The following ANXA8 variants were observed in gnomAD, a reference collection of about 807,000 sequenced individuals.
ANXA8 encodes VAC-beta.
In ANXA8, 9 loss-of-function variants were observed where a neutral mutation model predicts 26.8. The observed-to-expected ratio is 0.34, with a 90% CI of 0.20 to 0.59. The LOEUF (loss-of-function observed/expected upper bound fraction) is 0.59. ANXA8 is among the 20% of genes least tolerant of loss of function. The pLI, the probability that ANXA8 is intolerant of heterozygous loss-of-function variation, is 0.84. For synonymous variants in ANXA8, 39 were observed against 94.8 expected, an observed-to-expected ratio of 0.41 and a Z score of 3.42; for missense variants, 83 against 238.5, an observed-to-expected ratio of 0.35 and a Z score of 4.29.
chr10:47,648,539 G>T, the ANXA8 span, among the ~76,000 whole-genome samples: 1 of 139,924 alleles, frequency 7.1e-6, no homozygotes, highest in Non-Finnish European at 1.5e-5. Context: ...ATCATCATGG[G>T]CAGTGGTCAT....
At chr10:47,726,639 G>GATAA in the ANXA8 span, among the ~76,000 whole-genome samples, 1 of 152,284 alleles carries the variant, frequency 6.6e-6, no homozygotes, top group African/African-American at 2.4e-5. Flanking sequence ...TAAATAAAAT[G>GATAA]TAGTAATTTA....
At chr10:47,735,460 TATTC>T in the ANXA8 span, among the ~76,000 whole-genome samples, 1 of 149,490 alleles carries the variant, frequency 6.7e-6, no homozygotes, top group South Asian at 2.1e-4. Flanking sequence ...ACCCTTCTGT[TATTC>T]TACCAACCAA....
At chr10:47,647,427 G>A in the ANXA8 span, among the ~76,000 whole-genome samples, 1 of 150,542 alleles carries the variant, frequency 6.6e-6, no homozygotes, top group Non-Finnish European at 1.5e-5. Context: ...AATGTTGTGA[G>A]GTAAGTGTTA....
chr10:47,748,869 G>GA, the ANXA8 span, among the ~76,000 whole-genome samples: 2 of 145,050 alleles, frequency 1.4e-5, no homozygotes, highest in South Asian at 4.5e-4. Flanking sequence ...GTTCCTCAAA[G>GA]AAAAAAGTGT....
chr10:47,624,078 T>C, the ANXA8 span, among the ~76,000 whole-genome samples: 1 of 96,394 alleles, frequency 1.0e-5, no homozygotes, highest in Non-Finnish European at 2.2e-5. Context: ...CTACTAAAAA[T>C]ACAAAAAAAA....
chr10:47,506,329 G>A, the ANXA8 span, among the ~76,000 whole-genome samples: 1 of 137,312 alleles, frequency 7.3e-6, no homozygotes, highest in Non-Finnish European at 1.6e-5. Context: ...TCATCTTATT[G>A]CTTCTTTTTC....
the ANXA8 span, among the ~76,000 whole-genome samples, chr10:47,535,735 C>T: frequency 8.0e-4 from 41 of 51,270 alleles, no homozygotes; most frequent in Non-Finnish European, 1.2e-3. Flanking sequence ...AAAATAATGG[C>T]CCCCCAAAGA....
At chr10:47,562,809 C>G in the ANXA8 span, among the ~76,000 whole-genome samples, 1 of 149,676 alleles carries the variant, frequency 6.7e-6, no homozygotes, top group Non-Finnish European at 1.5e-5. Context: ...AAGAGGTTGG[C>G]AGTGGGTGAG....
At chr10:47,940,860 C>G in the ANXA8 span, among the ~76,000 whole-genome samples, 3 of 139,054 alleles carry the variant, frequency 2.2e-5, no homozygotes, top group Non-Finnish European at 4.6e-5. Flanking sequence ...GAAAGCAGGA[C>G]AGTATATTGC....
chr10:47,943,560 T>C, the ANXA8 span, among the ~76,000 whole-genome samples: 1 of 149,072 alleles, frequency 6.7e-6, no homozygotes, highest in African/African-American at 2.5e-5. Flanking sequence ...GGATGGTCTG[T>C]TCCAGCCCTC....
At chr10:47,744,894 C>A in the ANXA8 span, among the ~76,000 whole-genome samples, 2 of 151,972 alleles carry the variant, frequency 1.3e-5, no homozygotes, top group African/African-American at 2.4e-5. Flanking sequence ...TGTCCTGTAA[C>A]TTCTAGCTAT....
chr10:47,659,551 C>G, the ANXA8 span, among the ~76,000 whole-genome samples: 1 of 151,400 alleles, frequency 6.6e-6, no homozygotes, highest in South Asian at 2.1e-4. Flanking sequence ...TGGTGCATAC[C>G]TGTAATCCCA....
At chr10:47,559,207 A>G in the ANXA8 span, among the ~76,000 whole-genome samples, 1 of 130,012 alleles carries the variant, frequency 7.7e-6, no homozygotes, top group Non-Finnish European at 1.5e-5. Context: ...GCTGGAATGC[A>G]GTAGTGCAAT....
chr10:47,612,496 T>C, the ANXA8 span, among the ~76,000 whole-genome samples: 1 of 72,084 alleles, frequency 1.4e-5, no homozygotes, highest in African/African-American at 4.2e-5. Flanking sequence ...AATTAGGATA[T>C]CAGATATAAA....
At chr10:47,649,938 G>C in the ANXA8 span, among the ~76,000 whole-genome samples, 1 of 150,894 alleles carries the variant, frequency 6.6e-6, no homozygotes, top group African/African-American at 2.5e-5. Flanking sequence ...GCCAGGCACA[G>C]TGCTCACTCC....
the ANXA8 span, among the ~76,000 whole-genome samples, chr10:47,747,726 A>AG: frequency 6.7e-6 from 1 of 149,672 alleles, no homozygotes; most frequent in African/African-American, 2.5e-5. Flanking sequence ...AACAGGAAGG[A>AG]GGGGAAAACA....
chr10:47,561,098 C>T, the ANXA8 span, among the ~76,000 whole-genome samples: 1 of 151,770 alleles, frequency 6.6e-6, no homozygotes, highest in Non-Finnish European at 1.5e-5. Flanking sequence ...TGTAAATTGA[C>T]AAATTGTAGA....
the ANXA8 span, among the ~76,000 whole-genome samples, chr10:47,555,484 G>T: frequency 1.4e-4 from 22 of 151,872 alleles, no homozygotes; most frequent in East Asian, 3.9e-4. Context: ...CAATTCCCTA[G>T]GTACACTTTT....
At chr10:47,474,902 T>A in intron 7 of ANXA8, 43 bp downstream of exon 7, 1 of 1,532,002 alleles carries the variant, frequency 6.5e-7, no homozygotes, top group Non-Finnish European at 8.8e-7. Flanking sequence ...GGAGTCCAGA[T>A]GGCAGGGGGT....
Sources: allele counts gnomAD v4.1 joint callset (sites outside exome capture counted in the v4.1 genomes callset), GRCh38; gene constraint gnomAD v4.1.1; transcripts MANE v1.5; gene names NCBI Gene and HGNC (gene_info 2026-07-23, HGNC 2026-07-21).